The following GRM7 variants were observed in gnomAD, a reference collection of about 807,000 sequenced individuals.
GRM7 encodes metabotropic glutamate receptor 7.
A neutral mutation model predicts 84.5 loss-of-function variants in GRM7; 35 were observed. That is an observed-to-expected ratio of 0.41 (90% CI 0.32 to 0.55). The LOEUF is 0.55. Among genes scored for constraint, GRM7 ranks in the 20% least tolerant of loss-of-function variants. The pLI, the probability that GRM7 is intolerant of heterozygous loss-of-function variation, is 0.19. For synonymous variants in GRM7, 487 were observed against 455.1 expected, an observed-to-expected ratio of 1.07 and a Z score of -0.89; for missense variants, 1,003 against 1,194.6, an observed-to-expected ratio of 0.84 and a Z score of 2.36.
intron 7 of GRM7, among the ~76,000 whole-genome samples, chr3:7,537,831 G>A (rs559078168): frequency 5.3e-5 from 8 of 152,282 alleles, no homozygotes; most frequent in African/African-American, 1.4e-4. Flanking sequence ...TATCGCTTTT[G>A]ACTAATAGGC....
intron 4 of GRM7, among the ~76,000 whole-genome samples, chr3:7,360,124 CT>C (rs1255237521): frequency 4.6e-5 from 6 of 131,114 alleles, no homozygotes; most frequent in South Asian, 2.5e-4. Flanking sequence ...TTCTCCCCCC[CT>C]TTTTTTTCCC....
At chr3:7,011,147 G>T (rs888544138) in intron 1 of GRM7, among the ~76,000 whole-genome samples, 2 of 152,074 alleles carry the variant, frequency 1.3e-5, no homozygotes, top group Non-Finnish European at 2.9e-5. Context: ...GGGGACAGGG[G>T]ACAAAAATCA....
At chr3:7,194,215 G>A (rs1575016145) in intron 2 of GRM7, among the ~76,000 whole-genome samples, 1 of 151,994 alleles carries the variant, frequency 6.6e-6, no homozygotes, top group Non-Finnish European at 1.5e-5. Flanking sequence ...CTTTCCCAGA[G>A]ATCTGTACAC....
chr3:7,227,165 T>C (rs924695581), intron 2 of GRM7, among the ~76,000 whole-genome samples: 15 of 152,238 alleles, frequency 9.9e-5, no homozygotes, highest in Non-Finnish European at 2.9e-5. Flanking sequence ...GAATGTAATA[T>C]AGTAACCATT....
intron 4 of GRM7, among the ~76,000 whole-genome samples, chr3:7,403,714 A>G (rs903922064): frequency 1.6e-5 from 2 of 128,426 alleles, no homozygotes; most frequent in African/African-American, 6.0e-5. Flanking sequence ...TACACAAAAG[A>G]ATGTATAGAT....
intron 2 of GRM7, among the ~76,000 whole-genome samples, chr3:7,261,684 G>T (rs1038207446): frequency 6.6e-6 from 1 of 152,202 alleles, no homozygotes; most frequent in African/African-American, 2.4e-5. Flanking sequence ...GCTTTATAGT[G>T]TCACTGGTCT....
intron 8 of GRM7, among the ~76,000 whole-genome samples, chr3:7,580,118 T>C (rs1304848403): frequency 3.9e-5 from 6 of 152,370 alleles, no homozygotes; most frequent in Non-Finnish European, 7.3e-5. Flanking sequence ...TTGTGAATCT[T>C]TGATTTAGAC....
intron 4 of GRM7, among the ~76,000 whole-genome samples, chr3:7,410,347 G>A (rs939341917): frequency 2.0e-5 from 3 of 152,086 alleles, no homozygotes; most frequent in Admixed American, 2.0e-4. Context: ...GAAGCAGGTG[G>A]ATTGTTTGAA....
At position 6,862,447 on chromosome 3, in the gene GRM7, C is replaced by A. The variant is rs986494249; in HGVS notation, c.519+540C>A. Among the ~76,000 whole-genome samples, 2 of 152,072 alleles carry A rather than the reference C, an allele frequency of 1.3e-5. No homozygotes were observed. Among genetic ancestry groups the A allele is most frequent in the African/African-American group, 4.8e-5 (2 of 41,432 alleles). On this transcript the variant is annotated intron_variant, in intron 1 of 9. Transcript: ENST00000357716. This position sits in a 1 kb window ranked among gnomAD's most constrained non-coding sequence, Gnocchi z 5.2. ...TTAACCTAGATGTGGATGTTAAGTC[C>A]GCATCTCCCTCGGGCTGATTTCCCG... is the stretch of plus-strand genomic sequence containing the variant.
chr3:7,074,248 G>A (rs751178200), intron 1 of GRM7, among the ~76,000 whole-genome samples: 1 of 152,102 alleles, frequency 6.6e-6, no homozygotes, highest in Non-Finnish European at 1.5e-5. Flanking sequence ...AGGCTTAGAT[G>A]TTGCACTAGC....
chr3:6,935,726 C>T (rs892365478), intron 1 of GRM7, among the ~76,000 whole-genome samples: 1 of 144,880 alleles, frequency 6.9e-6, no homozygotes, highest in South Asian at 2.1e-4. Context: ...GACAGAGTCT[C>T]GCTCTGTCAT....
chr3:7,376,460 C>T (rs1292891382), intron 4 of GRM7, among the ~76,000 whole-genome samples: 6 of 152,132 alleles, frequency 3.9e-5, no homozygotes, highest in African/African-American at 1.2e-4. Context: ...AGACCTGCTC[C>T]GTAGAGACTA....
chr3:7,063,675 C>T (rs538946915), intron 1 of GRM7, among the ~76,000 whole-genome samples: 1 of 151,786 alleles, frequency 6.6e-6, no homozygotes, highest in Admixed American at 6.6e-5. Context: ...CATACACCAA[C>T]TGGAAAAAGA....
At chr3:7,131,142 A>G (rs549972296) in intron 1 of GRM7, among the ~76,000 whole-genome samples, 2 of 152,350 alleles carry the variant, frequency 1.3e-5, no homozygotes, top group Admixed American at 1.3e-4. Context: ...GCAAATGCTC[A>G]GCTTTGCTTC....
chr3:7,675,196 T>G (rs1179165737), intron 8 of GRM7, among the ~76,000 whole-genome samples: 1 of 152,366 alleles, frequency 6.6e-6, no homozygotes, highest in Non-Finnish European at 1.5e-5. Flanking sequence ...ATAGTTCTAG[T>G]CTTATATCTA....
At chr3:7,236,704 A>G (rs528969946) in intron 2 of GRM7, among the ~76,000 whole-genome samples, 1 of 152,326 alleles carries the variant, frequency 6.6e-6, no homozygotes, top group East Asian at 1.9e-4. Flanking sequence ...ACCACAACCA[A>G]GAGCCATCCA....
intron 8 of GRM7, among the ~76,000 whole-genome samples, chr3:7,601,879 G>A (rs777215859): frequency 6.6e-6 from 1 of 152,048 alleles, no homozygotes; most frequent in Non-Finnish European, 1.5e-5. Flanking sequence ...TTGACCAATA[G>A]TAGTTGCCAG....
At chr3:7,301,313 A>C (rs548023348) in intron 3 of GRM7, among the ~76,000 whole-genome samples, 8 of 152,196 alleles carry the variant, frequency 5.3e-5, no homozygotes, top group Admixed American at 2.6e-4. Context: ...ATCTTACAAC[A>C]TTATTTTCCT....
chr3:6,937,795 T>C (rs1402300697), intron 1 of GRM7, among the ~76,000 whole-genome samples: 1 of 152,234 alleles, frequency 6.6e-6, no homozygotes, highest in African/African-American at 2.4e-5. Context: ...GTTATCACAA[T>C]GTAATCATAA....
Sources: gnomAD v4.1 joint callset for allele counts (sites outside exome capture counted in the v4.1 genomes callset) on GRCh38, gnomAD v4.1.1 for gene constraint, Gnocchi (gnomAD v3.1) non-coding constraint, MANE v1.5 for transcripts, NCBI Gene and HGNC (gene_info 2026-07-23, HGNC 2026-07-21) for gene names.